Variants in CNTNAP5 observed in about 807,000 individuals in gnomAD.
CNTNAP5 encodes contactin associated protein family member 5, also known as contactin-associated protein-like 5.
In CNTNAP5, 72 loss-of-function variants were observed where a neutral mutation model predicts 150.2. The observed-to-expected ratio is 0.48, with a 90% CI of 0.40 to 0.58. The LOEUF is 0.58. CNTNAP5 is among the 20% of genes least tolerant of loss of function. CNTNAP5 has a pLI of 0.00. For synonymous variants in CNTNAP5, 672 were observed against 619.8 expected (o/e 1.08, Z -1.25); for missense variants, 1,636 against 1,626.2 (o/e 1.01, Z -0.10).
intron 12 of CNTNAP5, among the ~76,000 whole-genome samples, chr2:124,624,765 G>A (rs1258819215): frequency 6.6e-6 from 1 of 152,158 alleles, no homozygotes; most frequent in African/African-American, 2.4e-5. Context: ...GGAAACAGGG[G>A]TTGAAAGTAC....
At chr2:124,661,860 T>C (rs7560727) in intron 13 of CNTNAP5, among the ~76,000 whole-genome samples, 17,551 of 117,638 alleles carry the variant, frequency 0.15, 1,680 homozygotes, top group African/African-American at 0.3. Flanking sequence ...TCCATTATAA[T>C]CTTTTTTTAA....
rs530502140 is a variant in CNTNAP5, at chr2:124,606,983, T to C, written c.1757-2818T>C. On this transcript the variant is annotated intron_variant, in intron 11 of 23. Coordinates refer to ENST00000682447, the MANE Select transcript of CNTNAP5 (RefSeq NM_001367498.1). The stretch of plus-strand genomic sequence containing the variant: ...GAAACAACACTACTACTATTAATAA[T>C]ATAGGCTCATATTAATCAAGCACTT... Among the ~76,000 whole-genome samples the C allele has an allele frequency of 1.1e-4, 17 of 152,274 alleles. No individual in the cohort carries two copies. In the East Asian group the frequency reaches 3.1e-3, roughly 28 times the overall value.
chr2:124,115,907 T>C (rs1683418765), intron 1 of CNTNAP5, among the ~76,000 whole-genome samples: 2 of 151,694 alleles, frequency 1.3e-5, no homozygotes, highest in Non-Finnish European at 2.9e-5. Flanking sequence ...TCTCTCAAGG[T>C]GCTGGGATTA....
rs556245306 is a variant in CNTNAP5, at chr2:124,351,143, G to A, written c.382-66300G>A. On this transcript the variant is annotated intron_variant, in intron 3 of 23. Coordinates refer to ENST00000682447, the MANE Select transcript of CNTNAP5 (RefSeq NM_001367498.1). The stretch of plus-strand genomic sequence containing the variant: ...TCAAACCAAGAAACTCATTCTTTTG[G>A]GGAACTGGGAGATGGGTTTGCAGAA... Among the ~76,000 whole-genome samples, 23 of 152,242 alleles carry A rather than the reference G, an allele frequency of 1.5e-4. 1 individual carries two copies. In the South Asian group the frequency reaches 4.8e-3, roughly 32 times the overall value.
intron 6 of CNTNAP5, among the ~76,000 whole-genome samples, chr2:124,448,743 G>T (rs142842863): frequency 6.7e-6 from 1 of 150,138 alleles, no homozygotes; most frequent in African/African-American, 2.5e-5. Context: ...ATATGACAGA[G>T]ACTCTAAGTG....
At chr2:124,520,031 T>C (rs1490545780) in intron 8 of CNTNAP5, among the ~76,000 whole-genome samples, 1 of 152,224 alleles carries the variant, frequency 6.6e-6, no homozygotes, top group East Asian at 1.9e-4. Context: ...TAAAAAACAC[T>C]GAAAATTCCA....
At chr2:124,699,192 A>G (rs1469175530) in intron 13 of CNTNAP5, among the ~76,000 whole-genome samples, 2 of 151,802 alleles carry the variant, frequency 1.3e-5, no homozygotes, top group Non-Finnish European at 2.9e-5. Context: ...ATCACCCCTA[A>G]GAAGATTACG....
At chr2:124,460,883 T>C (rs147480943) in intron 6 of CNTNAP5, among the ~76,000 whole-genome samples, 2 of 152,254 alleles carry the variant, frequency 1.3e-5, no homozygotes, top group African/African-American at 4.8e-5. Flanking sequence ...CTTTGGAAAT[T>C]CAGTTGCAGG....
chr2:124,824,905 T>G (rs1682561517), intron 19 of CNTNAP5, among the ~76,000 whole-genome samples: 1 of 152,220 alleles, frequency 6.6e-6, no homozygotes, highest in Admixed American at 6.5e-5. Context: ...TTTAGCATAC[T>G]CTTACAAGCT....
chr2:124,221,918 T>G, intron 2 of CNTNAP5, 109 bp downstream of exon 2: 2 of 682,014 alleles, frequency 2.9e-6, no homozygotes, highest in South Asian at 3.4e-5. Context: ...AATGGCCGTC[T>G]TCAGGAAAAT....
intron 1 of CNTNAP5, among the ~76,000 whole-genome samples, chr2:124,206,870 CA>C (rs1685877943): frequency 6.6e-6 from 1 of 152,148 alleles, no homozygotes; most frequent in East Asian, 1.9e-4. Context: ...GGAATTCCAT[CA>C]GGGTCCAGTT....
At chr2:124,129,254 A>G (rs2104599799) in intron 1 of CNTNAP5, among the ~76,000 whole-genome samples, 1 of 152,266 alleles carries the variant, frequency 6.6e-6, no homozygotes, top group South Asian at 2.1e-4. Context: ...TAGAAAAAAA[A>G]GTAGATGAAG....
At chr2:124,608,750 G>C (rs1158563987) in intron 11 of CNTNAP5, among the ~76,000 whole-genome samples, 1 of 151,988 alleles carries the variant, frequency 6.6e-6, no homozygotes, top group Non-Finnish European at 1.5e-5. Context: ...TTCGAGACCA[G>C]CCTGATCAAT....
chr2:124,658,167 C>T (rs905948669), intron 13 of CNTNAP5, among the ~76,000 whole-genome samples: 2 of 152,176 alleles, frequency 1.3e-5, no homozygotes, highest in Non-Finnish European at 2.9e-5. Flanking sequence ...TGACAACACA[C>T]GTGCACTTGG....
At chr2:124,798,628 A>G (rs1338679541) in intron 19 of CNTNAP5, among the ~76,000 whole-genome samples, 4 of 152,222 alleles carry the variant, frequency 2.6e-5, no homozygotes, top group Middle Eastern at 3.2e-3. Context: ...CATCATAAGC[A>G]TATCCGAATT....
intron 1 of CNTNAP5, among the ~76,000 whole-genome samples, chr2:124,094,890 A>G (rs1682899476): frequency 6.6e-6 from 1 of 152,164 alleles, no homozygotes; most frequent in African/African-American, 2.4e-5. Context: ...GGAACAGTAC[A>G]GGGAAAATCA....
rs372645112 is a variant in CNTNAP5 at position 124,731,530 on chromosome 2, T to C, written c.2078-15699T>C. Among the ~76,000 whole-genome samples, 233 of 149,950 alleles carry C rather than the reference T, an allele frequency of 1.6e-3. 1 individual carries two copies. The highest frequency in any genetic ancestry group is 5.6e-3 in the African/African-American group (228 of 40,760). On this transcript the variant is annotated intron_variant, in intron 13 of 23. Coordinates refer to ENST00000682447, the MANE Select transcript of CNTNAP5 (RefSeq NM_001367498.1). ...GGGAGATCAGAGGGAACAAGAAAGG[T>C]AAAAATAATTTGGGGAGAGGAGGAG...
At chr2:124,706,940 A>AAGAAGAAGAAGAAGAAGAAGAAGG (rs1467697417) in intron 13 of CNTNAP5, among the ~76,000 whole-genome samples, 3 of 18,174 alleles carry the variant, frequency 1.7e-4, no homozygotes, top group African/African-American at 4.9e-4. Context: ...GAAGAAGAAG[A>AAGAAGAAGAAGAAGAAGAAGAAGG]AGGAGGAGGA....
chr2:124,821,716 G>A (rs936063805), intron 19 of CNTNAP5, among the ~76,000 whole-genome samples: 3 of 152,134 alleles, frequency 2.0e-5, no homozygotes, highest in Admixed American at 6.6e-5. Context: ...CACAGTAGTA[G>A]CTCTCCAAGT....
Sources: gnomAD v4.1 joint callset for allele counts (sites outside exome capture counted in the v4.1 genomes callset) on GRCh38, gnomAD v4.1.1 for gene constraint, MANE v1.5 for transcripts, NCBI Gene and HGNC (gene_info 2026-07-23, HGNC 2026-07-21) for gene names.